The following XRCC5 variants were observed in gnomAD, a reference collection of about 807,000 sequenced individuals.
XRCC5 encodes the protein DNA repair protein Ku80.
In XRCC5, 12 loss-of-function variants were observed where a neutral mutation model predicts 95.7. The ratio of observed to expected loss-of-function variants is 0.13; its 90% CI spans 0.08 to 0.20. The LOEUF is 0.20. Among genes scored for constraint, XRCC5 ranks in the 10% least tolerant of loss-of-function variants. XRCC5 has a pLI of 1.00. For missense variants in XRCC5, 595 were observed against 873.9 expected, an observed-to-expected ratio of 0.68 and a Z score of 4.02; for synonymous variants, 281 against 290.3, an observed-to-expected ratio of 0.97 and a Z score of 0.33.
rs138143609 is a variant in XRCC5 at position 216,153,316 on chromosome 2, A to G, written c.1670+5040A>G. Reference sequence around the variant, plus strand: ...AGCTTCTCCAAATTTTTCTTTTTCAATCTTTGGCAGCTCCCTCTCAGATTC... The same window carrying G: ...AGCTTCTCCAAATTTTTCTTTTTCAGTCTTTGGCAGCTCCCTCTCAGATTC... On this transcript the variant is annotated intron_variant, in intron 14 of 20. Coordinates refer to ENST00000392132, the MANE Select transcript of XRCC5 (RefSeq NM_021141.4). Among the ~76,000 whole-genome samples, 1,232 of 151,968 alleles carry G rather than the reference A, an allele frequency of 8.1e-3. 9 individuals carry two copies. Among genetic ancestry groups the G allele is most frequent in the African/African-American group, 0.028 (1,162 of 41,408 alleles).
chr2:216,148,850 TTAAG>T (rs1013799395), intron 14 of XRCC5, among the ~76,000 whole-genome samples: 1 of 152,236 alleles, frequency 6.6e-6, no homozygotes, highest in South Asian at 2.1e-4. Context: ...CAACTGGCTA[TTAAG>T]TTTTTTCCCT....
intron 17 of XRCC5, among the ~76,000 whole-genome samples, chr2:216,192,175 T>C (rs1368853956): frequency 1.3e-5 from 2 of 151,848 alleles, no homozygotes. Context: ...ATTTTTGTAT[T>C]TTTAGTAGAG....
chr2:216,134,567 A>G (rs1281808248), intron 10 of XRCC5, among the ~76,000 whole-genome samples: 2 of 151,566 alleles, frequency 1.3e-5, no homozygotes, highest in African/African-American at 2.4e-5. Context: ...AGCTGGGATT[A>G]CAGATGCCTG....
chr2:216,201,640 A>G (rs1390144457), intron 19 of XRCC5, among the ~76,000 whole-genome samples: 2 of 152,214 alleles, frequency 1.3e-5, no homozygotes, highest in African/African-American at 2.4e-5. Flanking sequence ...TGCCCTTTCT[A>G]TCTGTTCTCT....
At chr2:216,114,683 T>C in intron 2 of XRCC5, among the ~76,000 whole-genome samples, 1 of 152,128 alleles carries the variant, frequency 6.6e-6, no homozygotes, top group South Asian at 2.1e-4. Context: ...TAAGTGGCCA[T>C]GATTGGTGTC....
intron 14 of XRCC5, chr2:216,156,334 C>G (rs1380483213): frequency 1.5e-6 from 1 of 672,978 alleles, no homozygotes; most frequent in Non-Finnish European, 2.8e-6. Context: ...GTGGAGGTAC[C>G]TTTCTGAAAC....
chr2:216,194,396 T>C (rs535765189), intron 18 of XRCC5, among the ~76,000 whole-genome samples: 4 of 152,312 alleles, frequency 2.6e-5, no homozygotes, highest in African/African-American at 9.6e-5. Flanking sequence ...AGAAAATATA[T>C]TCTTAGGAGA....
At chr2:216,188,528 A>G (rs1211191046) in intron 16 of XRCC5, among the ~76,000 whole-genome samples, 2 of 152,214 alleles carry the variant, frequency 1.3e-5, no homozygotes, top group Non-Finnish European at 2.9e-5. Context: ...TCATTTCAAA[A>G]GAAATGGAGA....
chr2:216,119,215 A>G (rs1696757157), intron 5 of XRCC5, 50 bp downstream of exon 5: 2 of 1,604,402 alleles, frequency 1.2e-6, no homozygotes, highest in East Asian at 2.2e-5. Flanking sequence ...ATTTCCTAAT[A>G]TAGTGAATGG....
intron 10 of XRCC5, among the ~76,000 whole-genome samples, chr2:216,134,425 T>G (rs983253017): frequency 1.3e-5 from 2 of 151,390 alleles, no homozygotes; most frequent in African/African-American, 4.8e-5. Flanking sequence ...TCTTGTTTTT[T>G]TTTTTGTTTT....
intron 9 of XRCC5, 154 bp downstream of exon 9, chr2:216,131,141 T>C: frequency 2.0e-6 from 2 of 976,168 alleles, no homozygotes; most frequent in Non-Finnish European, 2.4e-6. Flanking sequence ...GTATGTATTT[T>C]ATACATTGGG....
intron 5 of XRCC5, among the ~76,000 whole-genome samples, chr2:216,121,024 CTG>C (rs1488884742): frequency 1.3e-5 from 2 of 152,354 alleles, no homozygotes; most frequent in East Asian, 3.9e-4. Context: ...GCGTGAGCCA[CTG>C]TGCCTGGCAC....
intron 16 of XRCC5, among the ~76,000 whole-genome samples, chr2:216,168,477 A>G (rs1224310885): frequency 1.3e-5 from 2 of 152,214 alleles, no homozygotes; most frequent in East Asian, 1.9e-4. Context: ...ACACATAATC[A>G]TTTTAAGTAT....
intron 6 of XRCC5, among the ~76,000 whole-genome samples, chr2:216,125,015 T>C (rs556806250): frequency 6.6e-6 from 1 of 152,310 alleles, no homozygotes; most frequent in Admixed American, 6.5e-5. Flanking sequence ...AGACTAAATA[T>C]GAACTAAATT....
intron 16 of XRCC5, among the ~76,000 whole-genome samples, chr2:216,180,075 C>T (rs1165036092): frequency 1.3e-5 from 2 of 152,112 alleles, no homozygotes; most frequent in Admixed American, 1.3e-4. Context: ...TTGCCATTTG[C>T]TGAGAAGGAG....
chr2:216,130,754 A>G (rs1696982500), intron 8 of XRCC5, 121 bp from the exon 9 acceptor site: 2 of 598,704 alleles, frequency 3.3e-6, no homozygotes, highest in Admixed American at 3.5e-5. Flanking sequence ...ATTCCAGGGA[A>G]TAGAAGATGG....
chr2:216,193,433 A>G (rs1689655735), intron 18 of XRCC5, among the ~76,000 whole-genome samples: 1 of 152,160 alleles, frequency 6.6e-6, no homozygotes, highest in African/African-American at 2.4e-5. Flanking sequence ...CACTTATACT[A>G]GAGATGCAAA....
intron 8 of XRCC5, among the ~76,000 whole-genome samples, chr2:216,130,075 T>C (rs558312636): frequency 6.6e-6 from 1 of 152,172 alleles, no homozygotes; most frequent in Non-Finnish European, 1.5e-5. Context: ...ATGAAAGTTT[T>C]ATTGTGTCTT....
intron 1 of XRCC5, 53 bp from the exon 2 acceptor site, chr2:216,112,963 A>G: frequency 7.3e-7 from 1 of 1,377,324 alleles, no homozygotes; most frequent in East Asian, 2.3e-5. Context: ...ACATTCTTAC[A>G]GTCTTTTCTT....
Sources: gnomAD v4.1 joint callset for allele counts (sites outside exome capture counted in the v4.1 genomes callset) on GRCh38, gnomAD v4.1.1 for gene constraint, MANE v1.5 for transcripts, NCBI Gene and HGNC (gene_info 2026-07-23, HGNC 2026-07-21) for gene names.